Variants in RHOBTB1 observed in about 807,000 individuals in gnomAD.
The protein encoded by RHOBTB1 is Rho related BTB domain containing 1.
In RHOBTB1, 40 loss-of-function variants were observed where a neutral mutation model predicts 71.6. That is an observed-to-expected ratio of 0.56 (90% confidence interval 0.43 to 0.73). RHOBTB1 has a LOEUF of 0.73. Among genes scored for constraint, RHOBTB1 ranks in the 30% least tolerant of loss-of-function variants. The probability of loss-of-function intolerance (pLI) is 0.00; values close to 1 mark genes in which losing one functional copy is unlikely to be tolerated. For missense variants in RHOBTB1, 797 were observed against 894.0 expected, an observed-to-expected ratio of 0.89 and a Z score of 1.38; for synonymous variants, 319 against 334.9, an observed-to-expected ratio of 0.95 and a Z score of 0.52.
chr10:60,882,512 C>CA (rs1203101305), intron 7 of RHOBTB1, among the ~76,000 whole-genome samples: 1 of 149,716 alleles, frequency 6.7e-6, no homozygotes, highest in Non-Finnish European at 1.5e-5. Context: ...TATTAAATGA[C>CA]AAAAAAGTTA....
chr10:60,951,266 C>T lies in RHOBTB1; in HGVS notation c.-61-9412G>A, dbSNP rs144527708. On this transcript the variant is annotated intron_variant, in intron 2 of 11. Coordinates refer to the RHOBTB1 transcript ENST00000357917. Reference sequence around the variant, plus strand: ...ACCAGTGTCCTGGAAGGAGACCTACCCATCAGTTCTTGGAAAGAAGCTGAA... The same window carrying T: ...ACCAGTGTCCTGGAAGGAGACCTACTCATCAGTTCTTGGAAAGAAGCTGAA... Among the ~76,000 whole-genome samples, 72 of 152,226 alleles carry T rather than the reference C, an allele frequency of 4.7e-4. No individual in the cohort carries two copies. In the East Asian group the frequency reaches 0.012, roughly 24 times the overall value.
intron 4 of RHOBTB1, among the ~76,000 whole-genome samples, chr10:60,903,970 C>CT (rs1039808082): frequency 5.2e-4 from 77 of 148,566 alleles, no homozygotes; most frequent in Admixed American, 8.7e-4. Context: ...CTTTTCTTTT[C>CT]TTTTTTTTTT....
At chr10:60,965,544 G>C (rs1023142481) in intron 2 of RHOBTB1, among the ~76,000 whole-genome samples, 5 of 152,056 alleles carry the variant, frequency 3.3e-5, no homozygotes, top group Non-Finnish European at 1.5e-5. Flanking sequence ...ATTTGTAAGA[G>C]AATTAATTGG....
intron 1 of RHOBTB1, among the ~76,000 whole-genome samples, chr10:60,996,606 T>C (rs188503876): frequency 6.6e-6 from 1 of 152,158 alleles, no homozygotes; most frequent in Non-Finnish European, 1.5e-5. Flanking sequence ...GCTGTTGGAA[T>C]GTGCCATGGG....
intron 7 of RHOBTB1, among the ~76,000 whole-genome samples, chr10:60,882,101 G>A (rs528859728): frequency 1.3e-4 from 19 of 151,632 alleles, no homozygotes; most frequent in Admixed American, 6.6e-4. Context: ...ACAACAGAAA[G>A]ACCTTTATTT....
At chr10:60,987,561 C>T (rs2086707686) in intron 1 of RHOBTB1, among the ~76,000 whole-genome samples, 1 of 152,110 alleles carries the variant, frequency 6.6e-6, no homozygotes, top group Admixed American at 6.5e-5. Context: ...AGAAACTCAC[C>T]CACCATCCTC....
downstream of RHOBTB1, among the ~76,000 whole-genome samples, chr10:60,866,822 T>C (rs2080637063): frequency 6.9e-6 from 1 of 145,616 alleles, no homozygotes; most frequent in African/African-American, 2.7e-5. Context: ...CCATAGCTCC[T>C]ATTTTCTAAT....
At chr10:60,983,778 C>T (rs1326860668) in intron 2 of RHOBTB1, among the ~76,000 whole-genome samples, 1 of 152,172 alleles carries the variant, frequency 6.6e-6, no homozygotes, top group East Asian at 1.9e-4. Context: ...TGGGTACCTT[C>T]CCCAATGTCT....
At chr10:60,899,935 G>C (rs1035987217) in intron 4 of RHOBTB1, among the ~76,000 whole-genome samples, 1 of 152,124 alleles carries the variant, frequency 6.6e-6, no homozygotes, top group Non-Finnish European at 1.5e-5. Flanking sequence ...CTGAGAAGGT[G>C]ACATTTCCAG....
At chr10:60,913,896 T>C (rs2083127081) in intron 2 of RHOBTB1, among the ~76,000 whole-genome samples, 4 of 152,136 alleles carry the variant, frequency 2.6e-5, no homozygotes, top group Admixed American at 2.6e-4. Flanking sequence ...TCTCCTAAGG[T>C]TGTTGTGAGG....
chr10:60,969,839 GA>G (rs1033358051), intron 2 of RHOBTB1, among the ~76,000 whole-genome samples: 27 of 152,072 alleles, frequency 1.8e-4, no homozygotes, highest in Admixed American at 1.7e-3. Flanking sequence ...AGTATTTAAA[GA>G]AATAGAATAA....
At chr10:60,992,343 T>A (rs1309669126) in intron 1 of RHOBTB1, among the ~76,000 whole-genome samples, 1 of 152,192 alleles carries the variant, frequency 6.6e-6, no homozygotes, top group Non-Finnish European at 1.5e-5. Flanking sequence ...AAGGTAGTAT[T>A]TTCCAATCCT....
chr10:60,881,665 T>C (rs1337011502), intron 7 of RHOBTB1, among the ~76,000 whole-genome samples: 1 of 152,252 alleles, frequency 6.6e-6, no homozygotes, highest in Non-Finnish European at 1.5e-5. Context: ...AAGCTTTTTC[T>C]TCTTCACGGA....
chr10:60,888,512 G>C lies in RHOBTB1; in HGVS notation c.1156C>G (p.Gln386Glu). ...KGFIGMHREMQVNPISKRMGP... is the reference protein window; with the variant it reads ...KGFIGMHREMEVNPISKRMGP... ...ATCCGCTTTGAAATGGGGTTGACTTGCATTTCCCTGTGCATGCCAATGAAC... is the reference window on the plus strand; with the variant it reads ...ATCCGCTTTGAAATGGGGTTGACTTCCATTTCCCTGTGCATGCCAATGAAC... Residue 386 changes from glutamine (Q) to glutamate (E), a missense_variant, in exon 6 of 11, where the codon CAA becomes GAA. Physicochemically the swap from Gln to Glu is conservative, Grantham distance 29. This residue lies in a region of RHOBTB1 where 658 missense variants were observed against 681.5 expected (regional missense o/e 0.97). Coordinates refer to ENST00000337910, the MANE Select transcript of RHOBTB1 (RefSeq NM_014836.5). 6.2e-7 allele frequency: 1 copy of C among 1,614,158 alleles called. No individual in the cohort carries two copies. Among genetic ancestry groups the C allele is most frequent in the East Asian group, 2.2e-5 (1 of 44,870 alleles).
intron 2 of RHOBTB1, among the ~76,000 whole-genome samples, chr10:60,965,304 T>A (rs1589429214): frequency 1.3e-5 from 2 of 152,170 alleles, no homozygotes; most frequent in African/African-American, 2.4e-5. Context: ...ATTTTGCTCA[T>A]CTCTGTATCA....
the RHOBTB1 span, among the ~76,000 whole-genome samples, chr10:60,862,897 C>T: frequency 0.026 from 3,431 of 131,064 alleles, 133 homozygotes; most frequent in African/African-American, 0.092. Flanking sequence ...TCCCTCCTCT[C>T]TCTCTCCCTC....
At chr10:60,942,148 C>A (rs1198134053) in intron 1 of RHOBTB1, among the ~76,000 whole-genome samples, 1 of 152,086 alleles carries the variant, frequency 6.6e-6, no homozygotes, top group African/African-American at 2.4e-5. Flanking sequence ...GGCCACAAAC[C>A]GATAGATAAC....
chr10:60,944,988 C>A (rs2085162419), upstream of RHOBTB1, among the ~76,000 whole-genome samples: 1 of 152,134 alleles, frequency 6.6e-6, no homozygotes, highest in Admixed American at 6.5e-5. Context: ...CCAAGACAGC[C>A]CATGCCTCCT....
Position 60,874,975 on chromosome 10 carries a change from G to C in RHOBTB1, c.1794C>G (p.Leu598=). 1 of 1,613,840 alleles carries C rather than the reference G, an allele frequency of 6.2e-7. No individual in the cohort carries two copies. Among genetic ancestry groups the C allele is most frequent in the Non-Finnish European group, 8.5e-7 (1 of 1,179,750 alleles). Residue 598 remains leucine (L), a synonymous_variant, in exon 9 of 11, where the codon CTC becomes CTG. Coordinates refer to ENST00000337910, the MANE Select transcript of RHOBTB1 (RefSeq NM_014836.5). ...AAACCTGAGCCAATTCCAAGTAAGA[G>C]AGCACTTCTCCGTCAATGCCCACGC... ...TSGVGIDGEV[L]SYLELAQFHN...
Sources: gnomAD v4.1 joint callset for allele counts (sites outside exome capture counted in the v4.1 genomes callset) on GRCh38, gnomAD v4.1.1 for gene constraint, gnomAD v4.1.1 regional missense constraint, MANE v1.5 for transcripts, NCBI Gene and HGNC (gene_info 2026-07-23, HGNC 2026-07-21) for gene names.